Variants in SMIM36 observed in about 807,000 individuals in gnomAD.
SMIM36 encodes the protein small integral membrane protein 36.
chr17:55,525,619 CTATA>C, the SMIM36 span, among the ~76,000 whole-genome samples: 1 of 152,176 alleles, frequency 6.6e-6, no homozygotes, highest in African/African-American at 2.4e-5. Context: ...AAAATATCTA[CTATA>C]TATGATACTT....
chr17:55,528,693 A>T, the SMIM36 span, among the ~76,000 whole-genome samples: 1 of 151,324 alleles, frequency 6.6e-6, no homozygotes, highest in African/African-American at 2.4e-5. Context: ...GGGATTACAG[A>T]TGCCTCCCAC....
intron 3 of SMIM36, 55 bp downstream of exon 3, chr17:55,478,707 C>T (rs1222977174): frequency 6.6e-6 from 1 of 152,166 alleles, no homozygotes; most frequent in Admixed American, 6.5e-5. Context: ...ATTTCAGCAG[C>T]CCTGTTCTGG....
rs191948742 is a variant in SMIM36 at position 55,501,102 on chromosome 17, A to G, written c.*174+9777T>C. 3.6e-4 allele frequency among the ~76,000 whole-genome samples: 5 copies of G among 13,906 alleles called. 2 individuals carry two copies. Among genetic ancestry groups the G allele is most frequent in the Non-Finnish European group, 4.8e-4 (5 of 10,408 alleles). The allele number at this position is 13,906 out of a possible 152,430, so 9.1% of individuals were successfully genotyped here. Reference sequence around the variant, plus strand: ...TATATAATATACTATTATATTTTATAATATATAATATATATCATATTTTAT... The same window carrying G: ...TATATAATATACTATTATATTTTATGATATATAATATATATCATATTTTAT... On this transcript the variant is annotated intron_variant, in intron 1 of 4. Coordinates refer to ENST00000636752, the Ensembl canonical transcript of SMIM36.
intron 3 of SMIM36, among the ~76,000 whole-genome samples, chr17:55,477,568 C>G (rs915111127): frequency 6.6e-6 from 1 of 152,030 alleles, no homozygotes; most frequent in Non-Finnish European, 1.5e-5. Flanking sequence ...TGGATGAGGC[C>G]CCATTCTGTG....
intron 4 of SMIM36, among the ~76,000 whole-genome samples, chr17:55,463,654 AG>A (rs1909183918): frequency 6.6e-6 from 1 of 152,220 alleles, no homozygotes; most frequent in Non-Finnish European, 1.5e-5. Context: ...GTACAGTTAA[AG>A]GGTAGACAAA....
intron 4 of SMIM36, among the ~76,000 whole-genome samples, chr17:55,466,518 A>G (rs1159604786): frequency 6.6e-6 from 1 of 152,180 alleles, no homozygotes; most frequent in East Asian, 1.9e-4. Flanking sequence ...GAGCTAAATG[A>G]TGAATAAGGA....
intron 3 of SMIM36, among the ~76,000 whole-genome samples, chr17:55,478,246 T>C (rs1363525609): frequency 6.6e-6 from 1 of 151,746 alleles, no homozygotes; most frequent in Non-Finnish European, 1.5e-5. Flanking sequence ...TCCTTTTTTT[T>C]TTTTTCAGAC....
At chr17:55,465,654 T>C (rs975768535) in intron 4 of SMIM36, among the ~76,000 whole-genome samples, 5 of 152,114 alleles carry the variant, frequency 3.3e-5, no homozygotes, top group Non-Finnish European at 7.3e-5. Flanking sequence ...AAAAATGGAA[T>C]TAAGTTCTTT....
chr17:55,507,582 G>A (rs1910096487), intron 1 of SMIM36, among the ~76,000 whole-genome samples: 1 of 102,808 alleles, frequency 9.7e-6, no homozygotes. Flanking sequence ...CTGTGGTGGG[G>A]TGGGGGGAGG....
chr17:55,483,469 G>T (rs1909552872), intron 1 of SMIM36, among the ~76,000 whole-genome samples: 1 of 152,184 alleles, frequency 6.6e-6, no homozygotes, highest in Admixed American at 6.6e-5. Context: ...CAGTAGAACA[G>T]TAAAGCAGAT....
At chr17:55,504,269 T>C (rs1407024626) in intron 1 of SMIM36, among the ~76,000 whole-genome samples, 1 of 74,806 alleles carries the variant, frequency 1.3e-5, no homozygotes, top group Non-Finnish European at 2.2e-5. Context: ...CAACAGAATA[T>C]ACATTTTTTT....
chr17:55,453,969 A>C (rs1909489580), intron 4 of SMIM36: 1 of 152,190 alleles, frequency 6.6e-6, no homozygotes, highest in Admixed American at 6.5e-5. Context: ...TGACTCCATT[A>C]GTTCTCTGTG....
chr17:55,474,059 G>T (rs549106226), intron 3 of SMIM36, among the ~76,000 whole-genome samples: 9 of 152,110 alleles, frequency 5.9e-5, no homozygotes, highest in African/African-American at 2.2e-4. Context: ...AATCAATCAC[G>T]ACCCTCTCAC....
chr17:55,498,721 G>A (rs771501837), intron 1 of SMIM36, among the ~76,000 whole-genome samples: 1 of 151,804 alleles, frequency 6.6e-6, no homozygotes, highest in Non-Finnish European at 1.5e-5. Context: ...TAAACAGGTC[G>A]GGCGTGGTGG....
chr17:55,528,846 A>C, the SMIM36 span, among the ~76,000 whole-genome samples: 5 of 152,326 alleles, frequency 3.3e-5, 1 homozygote, highest in South Asian at 1.0e-3. Context: ...CCACTGCACC[A>C]GCCTCAAGGA....
chr17:55,457,293 CA>C (rs965871780), intron 4 of SMIM36, among the ~76,000 whole-genome samples: 1 of 150,780 alleles, frequency 6.6e-6, no homozygotes. Context: ...ACTAAAAATA[CA>C]AAAAAAATTA....
chr17:55,492,639 A>G (rs1469529750), intron 1 of SMIM36, among the ~76,000 whole-genome samples: 1 of 151,904 alleles, frequency 6.6e-6, no homozygotes, highest in Non-Finnish European at 1.5e-5. Context: ...AAAAAAAAAA[A>G]AAGAAAAACA....
chr17:55,496,901 A>C (rs9890519), intron 1 of SMIM36, among the ~76,000 whole-genome samples: 4 of 151,936 alleles, frequency 2.6e-5, no homozygotes, highest in Non-Finnish European at 5.9e-5. Context: ...AGGTGTTTGC[A>C]TGACAGTCTC....
chr17:55,496,601 A>G (rs2144712764), intron 1 of SMIM36, among the ~76,000 whole-genome samples: 1 of 152,306 alleles, frequency 6.6e-6, no homozygotes, highest in East Asian at 1.9e-4. Context: ...GTCTTCAGGG[A>G]AGATGACGTA....
Sources: gnomAD v4.1 joint callset for allele counts (sites outside exome capture counted in the v4.1 genomes callset) on GRCh38, gnomAD v4.1.1 for gene constraint, MANE v1.5 for transcripts, NCBI Gene and HGNC (gene_info 2026-07-23, HGNC 2026-07-21) for gene names.